CALN1: variants seen among roughly 807,000 people sequenced by gnomAD.
The protein encoded by CALN1 is calneuron 1, also known as calcium-binding protein 8.
A neutral mutation model predicts 30.6 loss-of-function variants in CALN1; 17 were observed. That is an observed-to-expected ratio of 0.56 (90% CI 0.38 to 0.83). The LOEUF is 0.83. Ranked by LOEUF, CALN1 falls within the 40% of genes least tolerant of loss-of-function variation. CALN1 has a pLI of 0.00. For missense variants in CALN1, 291 were observed against 354.9 expected (o/e 0.82, Z 1.45); for synonymous variants, 156 against 131.4 (o/e 1.19, Z -1.28).
At chr7:72,337,339 C>T in intron 2 of CALN1, 1 of 969,144 alleles carries the variant, frequency 1.0e-6, no homozygotes, top group Non-Finnish European at 1.2e-6. Flanking sequence ...CACCCCCCAA[C>T]CTCCGCCTCT....
chr7:71,792,320 C>T (rs1786615775), intron 6 of CALN1, among the ~76,000 whole-genome samples: 1 of 152,134 alleles, frequency 6.6e-6, no homozygotes, highest in Non-Finnish European at 1.5e-5. Flanking sequence ...AACCCCCAGC[C>T]CCCTCACCAG....
chr7:71,931,985 T>C (rs1432794617), intron 5 of CALN1, among the ~76,000 whole-genome samples: 1 of 152,134 alleles, frequency 6.6e-6, no homozygotes, highest in African/African-American at 2.4e-5. Flanking sequence ...GTGTGAATGA[T>C]GACACTGCTG....
chr7:72,042,494 T>C (rs1802190305), intron 4 of CALN1, among the ~76,000 whole-genome samples: 1 of 152,164 alleles, frequency 6.6e-6, no homozygotes, highest in Admixed American at 6.5e-5. Context: ...GGAAAGTTCA[T>C]TTGAGAATGA....
chr7:72,181,221 T>C (rs769462884), intron 3 of CALN1, among the ~76,000 whole-genome samples: 36 of 147,854 alleles, frequency 2.4e-4, no homozygotes, highest in African/African-American at 1.2e-4. Flanking sequence ...TTGGAATATA[T>C]ATAATATATA....
At chr7:72,397,734 A>T in intron 2 of CALN1, among the ~76,000 whole-genome samples, 1 of 151,450 alleles carries the variant, frequency 6.6e-6, no homozygotes, top group African/African-American at 2.4e-5. Context: ...ACACACACAC[A>T]CACACACACA....
chr7:72,501,154 A>T, the CALN1 span, among the ~76,000 whole-genome samples: 2 of 152,014 alleles, frequency 1.3e-5, no homozygotes, highest in Admixed American at 1.3e-4. Flanking sequence ...AGGATTGGAG[A>T]TAAAATACTC....
At chr7:72,160,915 GAAGTC>G (rs1282954493) in intron 3 of CALN1, among the ~76,000 whole-genome samples, 1 of 152,170 alleles carries the variant, frequency 6.6e-6, no homozygotes, top group Non-Finnish European at 1.5e-5. Flanking sequence ...AAAGCTAGGA[GAAGTC>G]AAATACTCAC....
intron 5 of CALN1, among the ~76,000 whole-genome samples, chr7:71,897,819 G>A (rs1793606986): frequency 2.6e-5 from 4 of 151,462 alleles, no homozygotes; most frequent in Admixed American, 2.0e-4. Flanking sequence ...AAAAACAGCA[G>A]AGAACAGAAA....
At chr7:72,113,156 T>C (rs940968009) in intron 3 of CALN1, among the ~76,000 whole-genome samples, 2 of 152,152 alleles carry the variant, frequency 1.3e-5, no homozygotes, top group South Asian at 2.1e-4. Context: ...TGGAGCCTAA[T>C]GGGAGGCCTA....
intron 4 of CALN1, among the ~76,000 whole-genome samples, chr7:72,030,752 T>C (rs1801386404): frequency 6.6e-6 from 1 of 152,044 alleles, no homozygotes; most frequent in African/African-American, 2.4e-5. Flanking sequence ...ACACAATTTT[T>C]TTTTTTTTCT....
chr7:72,142,192 G>A (rs2129543536), intron 3 of CALN1, among the ~76,000 whole-genome samples: 1 of 152,320 alleles, frequency 6.6e-6, no homozygotes, highest in East Asian at 1.9e-4. Flanking sequence ...GACCTGGGAA[G>A]CACAAGGGGT....
At chr7:71,858,664 C>T (rs1173101669) in intron 5 of CALN1, among the ~76,000 whole-genome samples, 1 of 152,120 alleles carries the variant, frequency 6.6e-6, no homozygotes, top group Non-Finnish European at 1.5e-5. Flanking sequence ...TCACTAAGCC[C>T]TCCTCTCACA....
At chr7:72,268,525 G>A (rs911678585) in intron 3 of CALN1, among the ~76,000 whole-genome samples, 1 of 152,146 alleles carries the variant, frequency 6.6e-6, no homozygotes, top group Admixed American at 6.5e-5. Context: ...ATTGTAACAG[G>A]ATGAGCATGG....
chr7:72,486,096 G>C, the CALN1 span, among the ~76,000 whole-genome samples: 2 of 152,088 alleles, frequency 1.3e-5, no homozygotes, highest in African/African-American at 4.8e-5. Flanking sequence ...ACAGCCTATT[G>C]CTCCAAGCTG....
At position 72,253,531 on chromosome 7, in the gene CALN1, C is replaced by T. The variant is rs73359172; in HGVS notation, c.244+25155G>A. 7.4e-3 allele frequency among the ~76,000 whole-genome samples: 1,123 copies of T among 152,326 alleles called. 10 individuals carry two copies. Among genetic ancestry groups the T allele is most frequent in the African/African-American group, 0.023 (971 of 41,568 alleles). ...GCTGAAGTTGAAAGGGAAACAAGCA[C>T]ATCTTACCATGGCGAAGCAAGAGAA... On this transcript the variant is annotated intron_variant, in intron 3 of 6. Transcript: ENST00000395275.
At chr7:72,458,271 T>A in the CALN1 span, among the ~76,000 whole-genome samples, 248 of 65,458 alleles carry the variant, frequency 3.8e-3, 7 homozygotes, top group African/African-American at 0.022. Context: ...ATATTCTATA[T>A]TATATAATAT....
intron 6 of CALN1, among the ~76,000 whole-genome samples, chr7:71,806,301 C>T (rs1273316782): frequency 6.8e-6 from 1 of 146,592 alleles, no homozygotes; most frequent in African/African-American, 2.6e-5. Flanking sequence ...TATAGTTTCC[C>T]CCTCCTTTTT....
intron 5 of CALN1, among the ~76,000 whole-genome samples, chr7:71,914,692 A>T (rs976703962): frequency 6.6e-6 from 1 of 152,048 alleles, no homozygotes; most frequent in Non-Finnish European, 1.5e-5. Flanking sequence ...TTTACTACAC[A>T]AACTTGCCAG....
intron 5 of CALN1, among the ~76,000 whole-genome samples, chr7:71,957,536 C>T (rs1054077234): frequency 1.3e-5 from 2 of 152,204 alleles, no homozygotes; most frequent in Non-Finnish European, 2.9e-5. Context: ...GTCGCCTGTA[C>T]TGATCACTGC....
Sources: gnomAD v4.1 joint callset for allele counts (sites outside exome capture counted in the v4.1 genomes callset) on GRCh38, gnomAD v4.1.1 for gene constraint, MANE v1.5 for transcripts, NCBI Gene and HGNC (gene_info 2026-07-23, HGNC 2026-07-21) for gene names.